Variants in VAT1L observed in about 807,000 individuals in gnomAD.
The protein encoded by VAT1L is putative NADPH-dependent quinone oxidoreductase VAT1L.
Under a neutral mutation model 44.1 loss-of-function variants are expected in VAT1L, and 34 were observed. The observed-to-expected ratio is 0.77, with a 90% CI of 0.59 to 1.03. VAT1L has a LOEUF of 1.03. VAT1L is among the 50% of genes least tolerant of loss of function. The pLI is 0.00. For missense variants in VAT1L, 615 were observed against 538.8 expected (o/e 1.14, Z -1.40); for synonymous variants, 253 against 202.2 (o/e 1.25, Z -2.13).
At chr16:77,885,343 C>T (rs537598291) in intron 7 of VAT1L, among the ~76,000 whole-genome samples, 2 of 152,274 alleles carry the variant, frequency 1.3e-5, no homozygotes, top group East Asian at 1.9e-4. Flanking sequence ...ATTCCTTGAT[C>T]ACAAGAACAT....
At chr16:77,802,121 C>T (rs867255762) in intron 1 of VAT1L, among the ~76,000 whole-genome samples, 3 of 152,202 alleles carry the variant, frequency 2.0e-5, no homozygotes, top group Non-Finnish European at 4.4e-5. Flanking sequence ...CCGCTTTGAG[C>T]CTCAGCATCT....
chr16:77,857,091 G>C (rs1249863719), intron 3 of VAT1L, among the ~76,000 whole-genome samples: 1 of 152,236 alleles, frequency 6.6e-6, no homozygotes, highest in Non-Finnish European at 1.5e-5. Flanking sequence ...CCAAAGGGAA[G>C]AGAAGGGCAG....
At chr16:77,870,374 A>G (rs2017018787) in intron 4 of VAT1L, among the ~76,000 whole-genome samples, 1 of 152,220 alleles carries the variant, frequency 6.6e-6, no homozygotes, top group Non-Finnish European at 1.5e-5. Context: ...GAGAAAACAG[A>G]GTGGAGAGCC....
intron 7 of VAT1L, among the ~76,000 whole-genome samples, chr16:77,928,538 T>A (rs565610870): frequency 4.3e-4 from 66 of 152,306 alleles, no homozygotes; most frequent in African/African-American, 1.3e-3. Flanking sequence ...GAAACCGCTA[T>A]CTTGGATGTG....
At chr16:77,801,900 A>G (rs539969397) in intron 1 of VAT1L, among the ~76,000 whole-genome samples, 2 of 152,070 alleles carry the variant, frequency 1.3e-5, no homozygotes, top group Non-Finnish European at 2.9e-5. Flanking sequence ...AATTGTTCCT[A>G]CTGGGGACCT....
intron 3 of VAT1L, among the ~76,000 whole-genome samples, chr16:77,846,111 T>G (rs2145263934): frequency 6.6e-6 from 1 of 152,282 alleles, no homozygotes; most frequent in South Asian, 2.1e-4. Context: ...TGGATGAACT[T>G]TGCCTATCCT....
intron 7 of VAT1L, among the ~76,000 whole-genome samples, chr16:77,967,508 A>G (rs2018235595): frequency 6.6e-6 from 1 of 152,228 alleles, no homozygotes; most frequent in South Asian, 2.1e-4. Flanking sequence ...GAGGATAGAA[A>G]TGCACACAGC....
chr16:77,861,623 G>C (rs1385688627), intron 3 of VAT1L, among the ~76,000 whole-genome samples: 1 of 152,194 alleles, frequency 6.6e-6, no homozygotes, highest in African/African-American at 2.4e-5. Flanking sequence ...ACACTTCCCT[G>C]TAGAAGATGC....
intron 4 of VAT1L, among the ~76,000 whole-genome samples, chr16:77,865,325 C>G (rs1007999968): frequency 6.6e-6 from 1 of 152,136 alleles, no homozygotes; most frequent in African/African-American, 2.4e-5. Context: ...AATGAACTAT[C>G]GTTGTCCCTT....
chr16:77,868,113 C>T (rs1012699525), intron 4 of VAT1L, among the ~76,000 whole-genome samples: 11 of 152,122 alleles, frequency 7.2e-5, no homozygotes, highest in African/African-American at 2.7e-4. Context: ...TTTACATTAG[C>T]CTACAGTTGG....
intron 7 of VAT1L, among the ~76,000 whole-genome samples, chr16:77,958,348 A>C (rs908176145): frequency 1.3e-5 from 2 of 152,124 alleles, no homozygotes; most frequent in Non-Finnish European, 2.9e-5. Context: ...ATCACACCTC[A>C]AGCATCTCTC....
At chr16:77,843,696 C>T (rs894612039) in intron 3 of VAT1L, among the ~76,000 whole-genome samples, 15 of 152,226 alleles carry the variant, frequency 9.9e-5, no homozygotes, top group Non-Finnish European at 2.2e-4. Context: ...CCTGGACCCC[C>T]CTTCACAGGG....
At chr16:77,804,167 T>C (rs2016114225) in intron 1 of VAT1L, among the ~76,000 whole-genome samples, 1 of 152,228 alleles carries the variant, frequency 6.6e-6, no homozygotes. Flanking sequence ...TTAAATGTTC[T>C]ATGCAACCAG....
Position 77,951,561 on chromosome 16 carries a change from A to G in VAT1L, c.1078-20289A>G, listed in dbSNP as rs1029141314. On this transcript the variant is annotated intron_variant, in intron 7 of 8. Coordinates refer to ENST00000302536, the MANE Select transcript of VAT1L (RefSeq NM_020927.3). ...ACTCTGTCTCAAAAATAAATAAATA[A>G]ATAGGACTTAAAAGTATGAGTGCGT... Among the ~76,000 whole-genome samples, 10 of 93,556 alleles carry G rather than the reference A, an allele frequency of 1.1e-4. No homozygotes were observed. The Middle Eastern group carries it at 0.02, about 190-fold the overall frequency. 61.4% of individuals were successfully genotyped at this position (93,556 alleles called of 152,430 possible).
chr16:77,805,492 A>G (rs1193429512), intron 1 of VAT1L, among the ~76,000 whole-genome samples: 3 of 151,276 alleles, frequency 2.0e-5, no homozygotes, highest in South Asian at 2.1e-4. Flanking sequence ...TTGGGAGTTA[A>G]GTGCTTTGAT....
intron 7 of VAT1L, among the ~76,000 whole-genome samples, chr16:77,925,927 G>A (rs1012847099): frequency 6.6e-6 from 1 of 152,080 alleles, no homozygotes; most frequent in Non-Finnish European, 1.5e-5. Flanking sequence ...TCAATGGCAT[G>A]TATGCATTTG....
chr16:77,829,343 G>A (rs2016555725), intron 3 of VAT1L, among the ~76,000 whole-genome samples: 1 of 152,226 alleles, frequency 6.6e-6, no homozygotes, highest in South Asian at 2.1e-4. Context: ...GTTATGTAAA[G>A]TGTGTAGCCC....
chr16:77,920,253 A>T (rs1200476269), intron 7 of VAT1L, among the ~76,000 whole-genome samples: 1 of 152,138 alleles, frequency 6.6e-6, no homozygotes, highest in Non-Finnish European at 1.5e-5. Flanking sequence ...GGCCATTGCA[A>T]ATCTTGGCTG....
At chr16:77,948,320 G>A (rs368497553) in intron 7 of VAT1L, among the ~76,000 whole-genome samples, 15 of 152,146 alleles carry the variant, frequency 9.9e-5, no homozygotes, top group Admixed American at 9.8e-4. Context: ...GATTGAAAGG[G>A]TACACTTGTC....
Sources: gnomAD v4.1 joint callset for allele counts (sites outside exome capture counted in the v4.1 genomes callset) on GRCh38, gnomAD v4.1.1 for gene constraint, MANE v1.5 for transcripts, NCBI Gene and HGNC (gene_info 2026-07-23, HGNC 2026-07-21) for gene names.